Variants in DYNC2H1 observed in about 807,000 individuals in gnomAD.
The protein encoded by DYNC2H1 is cytoplasmic dynein 2 heavy chain 1.
DYNC2H1 carries 410 observed loss-of-function variants against 570.0 expected under a neutral mutation model. The observed-to-expected ratio is 0.72, with a 90% CI of 0.66 to 0.78. The LOEUF (loss-of-function observed/expected upper bound fraction) is 0.78. Among genes scored for constraint, DYNC2H1 ranks in the 30% least tolerant of loss-of-function variants. The probability of loss-of-function intolerance (pLI) is 0.00; values close to 1 mark genes in which losing one functional copy is unlikely to be tolerated. For synonymous variants in DYNC2H1, 1,688 were observed against 1,677.6 expected, an observed-to-expected ratio of 1.01 and a Z score of -0.15; for missense variants, 4,865 against 5,046.4, an observed-to-expected ratio of 0.96 and a Z score of 1.09.
At position 103,133,438 on chromosome 11, in the gene DYNC2H1, T is replaced by C. The variant is rs1327770099; in HGVS notation, c.1954-117T>C. On this transcript the variant is annotated intron_variant, in intron 13 of 88. Coordinates refer to ENST00000375735, the MANE Select transcript of DYNC2H1 (RefSeq NM_001377.3). The surrounding 1 kb of genome is among the most constrained non-coding windows in gnomAD (Gnocchi z 4.8). ...TCATTTATAAAATGGAAAATTATTATGTGCTTTCTTTGTTGCAGGTCAGAG... is the reference window on the plus strand; with the variant it reads ...TCATTTATAAAATGGAAAATTATTACGTGCTTTCTTTGTTGCAGGTCAGAG... 4 of 889,082 alleles carry C rather than the reference T, an allele frequency of 4.5e-6. No homozygotes were observed. The highest frequency in any genetic ancestry group is 2.9e-5 in the East Asian group (1 of 34,580). The allele number at this position is 889,082 out of a possible 1,614,324, so 55.1% of individuals were successfully genotyped here.
intron 79 of DYNC2H1, 104 bp from the exon 80 acceptor site, chr11:103,316,441 A>G (rs1463158083): frequency 1.5e-6 from 1 of 689,512 alleles, no homozygotes; most frequent in African/African-American, 1.9e-5. Flanking sequence ...GGAGTTATAT[A>G]TTTTTAAGTC....
intron 53 of DYNC2H1, among the ~76,000 whole-genome samples, chr11:103,210,919 T>C (rs1370960912): frequency 3.3e-5 from 5 of 152,072 alleles, no homozygotes. Context: ...ATTGAGAGAT[T>C]TAAAAGGAGA....
intron 83 of DYNC2H1, among the ~76,000 whole-genome samples, chr11:103,381,692 C>A (rs563286618): frequency 6.6e-6 from 1 of 152,336 alleles, no homozygotes; most frequent in South Asian, 2.1e-4. Context: ...CATGATCCAC[C>A]AGCCTTGGCC....
At chr11:103,375,339 T>C (rs1030095970) in intron 83 of DYNC2H1, among the ~76,000 whole-genome samples, 7 of 152,180 alleles carry the variant, frequency 4.6e-5, no homozygotes, top group African/African-American at 1.7e-4. Flanking sequence ...AAGGGAAATA[T>C]GGGGTCATAG....
intron 87 of DYNC2H1, among the ~76,000 whole-genome samples, chr11:103,460,752 T>C (rs1203387840): frequency 6.6e-6 from 1 of 151,520 alleles, no homozygotes; most frequent in Non-Finnish European, 1.5e-5. Flanking sequence ...CATATATGAT[T>C]AAGATTTATA....
At chr11:103,117,914 C>T (rs377711650) in intron 6 of DYNC2H1, 51 bp downstream of exon 6, 21 of 1,422,170 alleles carry the variant, frequency 1.5e-5, no homozygotes, top group Admixed American at 6.3e-5. Flanking sequence ...AGTGTATCTT[C>T]ACTTGTTTGT....
At chr11:103,454,202 G>A (rs1944710095) in intron 85 of DYNC2H1, among the ~76,000 whole-genome samples, 1 of 152,102 alleles carries the variant, frequency 6.6e-6, no homozygotes, top group Non-Finnish European at 1.5e-5. Flanking sequence ...TTCTATGACA[G>A]TAATAAATTA....
At chr11:103,433,142 A>G (rs1204644295) in intron 84 of DYNC2H1, among the ~76,000 whole-genome samples, 1 of 152,090 alleles carries the variant, frequency 6.6e-6, no homozygotes, top group Non-Finnish European at 1.5e-5. Flanking sequence ...CACTATCATT[A>G]TCATTTCTAT....
At chr11:103,297,372 T>C (rs1419889927) in intron 75 of DYNC2H1, among the ~76,000 whole-genome samples, 1 of 152,170 alleles carries the variant, frequency 6.6e-6, no homozygotes, top group Non-Finnish European at 1.5e-5. Flanking sequence ...TTTAACAGTT[T>C]AACAGTGTTT....
At chr11:103,298,742 G>A (rs2135386454) in intron 75 of DYNC2H1, among the ~76,000 whole-genome samples, 1 of 152,092 alleles carries the variant, frequency 6.6e-6, no homozygotes, top group Non-Finnish European at 1.5e-5. Flanking sequence ...AAATTTTAGA[G>A]CTTTGATTTT....
rs1468918361 is a variant in DYNC2H1, at chr11:103,199,148, AT to A, written c.7840-76del. ...TTCTTGAATGTATCAAAAATATAATATTTTAACCTAGGTAAGTAACATTTTT... is the reference window on the plus strand; with the variant it reads ...TTCTTGAATGTATCAAAAATATAATATTTAACCTAGGTAAGTAACATTTTT... On this transcript the variant is annotated intron_variant, in intron 48 of 88. Transcript: ENST00000375735. This position sits in a 1 kb window ranked among gnomAD's most constrained non-coding sequence, Gnocchi z 4.6. 9.9e-7 allele frequency: 1 copy of A among 1,012,524 alleles called. No homozygotes were observed. Among genetic ancestry groups the A allele is most frequent in the African/African-American group, 1.6e-5 (1 of 61,714 alleles). 62.7% of individuals were successfully genotyped at this position (1,012,524 alleles called of 1,614,324 possible).
intron 84 of DYNC2H1, 34 bp downstream of exon 84, chr11:103,399,906 C>T (rs1942567993): frequency 1.3e-6 from 2 of 1,560,592 alleles, no homozygotes; most frequent in East Asian, 2.2e-5. Flanking sequence ...ATTTTTATTT[C>T]ATTGTTATAA....
At chr11:103,273,415 G>C (rs778743542) in intron 70 of DYNC2H1, among the ~76,000 whole-genome samples, 22 of 152,096 alleles carry the variant, frequency 1.4e-4, no homozygotes, top group Admixed American at 2.6e-4. Flanking sequence ...CCTCAAACTC[G>C]TGAGCTCAAG....
At chr11:103,330,994 A>G (rs970134847) in intron 82 of DYNC2H1, among the ~76,000 whole-genome samples, 4 of 152,200 alleles carry the variant, frequency 2.6e-5, no homozygotes, top group African/African-American at 9.7e-5. Context: ...TCTTTTGACA[A>G]TAGAAGCCAG....
chr11:103,372,625 C>T (rs937567473), intron 83 of DYNC2H1, among the ~76,000 whole-genome samples: 2 of 151,966 alleles, frequency 1.3e-5, no homozygotes, highest in African/African-American at 4.8e-5. Context: ...GAATTTGGTT[C>T]GCTAGTATCT....
intron 84 of DYNC2H1, chr11:103,407,688 T>C (rs535713544): frequency 6.6e-6 from 1 of 152,042 alleles, no homozygotes; most frequent in African/African-American, 2.4e-5. Context: ...GGGCATTTAT[T>C]ACGATAATAT....
intron 25 of DYNC2H1, 49 bp from the exon 26 acceptor site, chr11:103,156,339 G>T: frequency 6.7e-7 from 1 of 1,496,848 alleles, no homozygotes; most frequent in South Asian, 1.3e-5. Context: ...AATTACTTAT[G>T]TGAAAATTAA....
Position 103,156,673 on chromosome 11 carries a change from C to A in DYNC2H1, c.4030C>A (p.His1344Asn), listed in dbSNP as rs766611494. The A allele has an allele frequency of 6.2e-7, 1 of 1,613,240 alleles. No homozygotes were observed. Among genetic ancestry groups the A allele is most frequent in the East Asian group, 2.2e-5 (1 of 44,848 alleles). The stretch of plus-strand genomic sequence containing the variant: ...AGATGAATACCTGCAGAATTTAAAT[C>A]ATATTCAGAGAAAGTGGGTGTATTT... ...ELDEYLQNLN[H>N]IQRKWVYLEP... is the part of the protein sequence containing the mutation. Residue 1344 changes from histidine (H) to asparagine (N), a missense_variant, in exon 26 of 89, where the codon CAT (histidine) becomes AAT (asparagine). By Grantham distance (68) the His-to-Asn change is moderately conservative. Coordinates refer to ENST00000375735, the MANE Select transcript of DYNC2H1 (RefSeq NM_001377.3).
chr11:103,361,357 C>T (rs1352810094), intron 83 of DYNC2H1, among the ~76,000 whole-genome samples: 1 of 152,202 alleles, frequency 6.6e-6, no homozygotes, highest in African/African-American at 2.4e-5. Flanking sequence ...AGCAGGTGCT[C>T]ACCAAATACA....
Sources: allele counts gnomAD v4.1 joint callset (sites outside exome capture counted in the v4.1 genomes callset), GRCh38; gene constraint gnomAD v4.1.1; non-coding constraint Gnocchi (gnomAD v3.1); transcripts MANE v1.5; gene names NCBI Gene and HGNC (gene_info 2026-07-23, HGNC 2026-07-21).